The following NRSN1 variants were observed in gnomAD, a reference collection of about 807,000 sequenced individuals.
NRSN1 encodes neurensin 1.
NRSN1 carries 14 observed loss-of-function variants against 17.3 expected under a neutral mutation model. That is an observed-to-expected ratio of 0.81 (90% CI 0.54 to 1.27). The LOEUF (loss-of-function observed/expected upper bound fraction) is 1.27, where lower values mean the gene tolerates loss of function less well. NRSN1 is among the 50% of genes most tolerant of loss of function. The probability of loss-of-function intolerance (pLI) is 0.00; values close to 1 mark genes in which losing one functional copy is unlikely to be tolerated. For missense variants in NRSN1, 209 were observed against 235.9 expected, an observed-to-expected ratio of 0.89 and a Z score of 0.75; for synonymous variants, 79 against 94.2, an observed-to-expected ratio of 0.84 and a Z score of 0.93.
At chr6:24,138,662 G>A (rs766535388) in intron 3 of NRSN1, among the ~76,000 whole-genome samples, 23 of 152,092 alleles carry the variant, frequency 1.5e-4, no homozygotes, top group Non-Finnish European at 3.1e-4. Context: ...AAGTGACTCC[G>A]GTCCCTCTCT....
In NRSN1 at chr6:24,145,156, T is replaced by C. The variant is rs1161838168; in HGVS notation, c.190-392T>C. Among the ~76,000 whole-genome samples the C allele has an allele frequency of 1.4e-5, 2 of 144,790 alleles. No individual in the cohort carries two copies. Among genetic ancestry groups the C allele is most frequent in the Non-Finnish European group, 3.0e-5 (2 of 66,426 alleles). 95.0% of individuals were successfully genotyped at this position (144,790 alleles called of 152,430 possible). On this transcript the variant is annotated intron_variant, in intron 3 of 3. Coordinates refer to ENST00000378491, the MANE Select transcript of NRSN1 (RefSeq NM_080723.5). This position sits in a 1 kb window ranked among gnomAD's most constrained non-coding sequence, Gnocchi z 4.4. ...TTAGACATATAATATATAATATATA[T>C]ATCTTTGGACATATATATTATATAG...
chr6:24,132,003 G>A (rs568756977), intron 2 of NRSN1, among the ~76,000 whole-genome samples: 10 of 152,060 alleles, frequency 6.6e-5, no homozygotes, highest in African/African-American at 2.4e-4. Flanking sequence ...CTCTTTCCCT[G>A]GGTGATTTCT....
At chr6:24,129,942 G>C (rs185297417) in intron 2 of NRSN1, among the ~76,000 whole-genome samples, 1 of 152,174 alleles carries the variant, frequency 6.6e-6, no homozygotes, top group Admixed American at 6.5e-5. Context: ...GATGCAACAG[G>C]CTCCATCAGA....
At chr6:24,128,287 T>G (rs1759980492) in intron 2 of NRSN1, 87 bp downstream of exon 2, 1 of 152,220 alleles carries the variant, frequency 6.6e-6, no homozygotes, top group South Asian at 2.1e-4. Flanking sequence ...GAATATGGGT[T>G]CTTTTCTCAT....
chr6:24,139,100 A>T (rs1760159828), intron 3 of NRSN1, among the ~76,000 whole-genome samples: 1 of 152,138 alleles, frequency 6.6e-6, no homozygotes, highest in African/African-American at 2.4e-5. Context: ...TATCTTTTAA[A>T]CAAAATCTTC....
At chr6:24,139,502 G>A (rs770498777) in intron 3 of NRSN1, among the ~76,000 whole-genome samples, 1 of 152,228 alleles carries the variant, frequency 6.6e-6, no homozygotes, top group African/African-American at 2.4e-5. Context: ...TCACGAATGG[G>A]TGGATGGGAA....
At chr6:24,135,571 T>C (rs530024271) in intron 3 of NRSN1, among the ~76,000 whole-genome samples, 127 of 152,210 alleles carry the variant, frequency 8.3e-4, no homozygotes, top group Middle Eastern at 6.8e-3. Context: ...CTGGAAGAGG[T>C]TGATAAATTT....
In NRSN1 at chr6:24,134,465, T is replaced by A; in HGVS notation, c.138T>A (p.Asp46Glu). 6.2e-7 allele frequency: 1 copy of A among 1,614,132 alleles called. No homozygotes were observed. The highest frequency in any genetic ancestry group is 8.5e-7 in the Non-Finnish European group (1 of 1,180,014). ...DCTASIWEYE[D>E]DFQIQRSPNR... ...CAGCCTCAATTTGGGAGTATGAGGA[T>A]GATTTCCAGATCCAAAGATCACCTA... is the stretch of plus-strand genomic sequence containing the variant. The change falls in exon 3 of 4, where the codon GAT becomes GAA. Residue 46 changes from aspartate (D) to glutamate (E), a missense_variant. Transcript: ENST00000378491.
chr6:24,128,399 A>C (rs890538312), intron 2 of NRSN1, among the ~76,000 whole-genome samples, 199 bp downstream of exon 2: 13 of 152,234 alleles, frequency 8.5e-5, no homozygotes, highest in African/African-American at 3.1e-4. Context: ...CCTTTTTAAA[A>C]ATTATAAAAG....
chr6:24,145,810 AG>A lies in NRSN1; in HGVS notation c.453del (p.Gln151HisfsTer56). Reference protein sequence around the residue: ...KSYSKEEKFLQQKFKERIADI... With the variant: ...KSYSKEEKFLXQKFKERIADI... ...TACTCCAAAGAAGAAAAATTCCTCC[AG>A]CAGAAGTTTAAAGAACGAATCGCAG... is the stretch of plus-strand genomic sequence containing the variant. On this transcript the variant is annotated frameshift_variant, in exon 4 of 4. Transcript: ENST00000378491. LOFTEE classifies it high-confidence loss of function. The surrounding 1 kb of genome is among the most constrained non-coding windows in gnomAD (Gnocchi z 4.4). 1 of 1,614,196 alleles carries A rather than the reference AG, an allele frequency of 6.2e-7. No individual in the cohort carries two copies. The highest frequency in any genetic ancestry group is 8.5e-7 in the Non-Finnish European group (1 of 1,180,046).
At chr6:24,142,702 G>A (rs1006699536) in intron 3 of NRSN1, among the ~76,000 whole-genome samples, 2 of 152,092 alleles carry the variant, frequency 1.3e-5, no homozygotes, top group East Asian at 1.9e-4. Flanking sequence ...GTTCCTCCCG[G>A]TGGATTTCTG....
At chr6:24,137,798 C>T (rs1048497358) in intron 3 of NRSN1, among the ~76,000 whole-genome samples, 2 of 152,006 alleles carry the variant, frequency 1.3e-5, no homozygotes, top group Non-Finnish European at 2.9e-5. Flanking sequence ...TTACTGGGAG[C>T]ACAGAGGGGC....
rs780657255 is a variant in NRSN1, at chr6:24,135,722, G to A, written c.189+1206G>A. Among the ~76,000 whole-genome samples the A allele has an allele frequency of 2.4e-4, 37 of 152,218 alleles. 1 individual carries two copies. In the South Asian group the frequency reaches 4.0e-3, roughly 16 times the overall value. ...TGACAATTTAAATATATCAATCTAC[G>A]GCTCATAAATTGGGAGTTATTGACA... On this transcript the variant is annotated intron_variant, in intron 3 of 3. Coordinates refer to ENST00000378491, the MANE Select transcript of NRSN1 (RefSeq NM_080723.5).
At chr6:24,142,745 C>T (rs1158024731) in intron 3 of NRSN1, among the ~76,000 whole-genome samples, 1 of 152,126 alleles carries the variant, frequency 6.6e-6, no homozygotes, top group East Asian at 1.9e-4. Flanking sequence ...GGCCGCAGAC[C>T]CTGGCAGTGA....
chr6:24,135,627 G>A (rs552677280), intron 3 of NRSN1, among the ~76,000 whole-genome samples: 160 of 152,278 alleles, frequency 1.1e-3, no homozygotes, highest in African/African-American at 3.7e-3. Flanking sequence ...TGGCGTTAGT[G>A]GAGATGGTGA....
chr6:24,142,262 T>C (rs141880801), intron 3 of NRSN1, among the ~76,000 whole-genome samples: 85 of 139,698 alleles, frequency 6.1e-4, no homozygotes, highest in African/African-American at 1.9e-3. Context: ...CAATATGAGA[T>C]ACTGGAAATT....
Position 24,127,129 on chromosome 6 carries a change from G to A in NRSN1, c.-83+789G>A, listed in dbSNP as rs143048976. On this transcript the variant is annotated intron_variant, in intron 1 of 3. Coordinates refer to ENST00000378491, the MANE Select transcript of NRSN1 (RefSeq NM_080723.5). ...AGATACAGATGGGGGTGGAGGGCAGGTGTTGGGGGAGGGAAGAAGAGGAGA... is the reference window on the plus strand; with the variant it reads ...AGATACAGATGGGGGTGGAGGGCAGATGTTGGGGGAGGGAAGAAGAGGAGA... Among the ~76,000 whole-genome samples the A allele has an allele frequency of 3.7e-3, 568 of 152,208 alleles. 3 individuals are homozygous for A. The highest frequency in any genetic ancestry group is 6.8e-3 in the Middle Eastern group (2 of 294).
intron 3 of NRSN1, chr6:24,140,893 C>T (rs747194095): frequency 7.6e-7 from 1 of 1,307,486 alleles, no homozygotes; most frequent in Admixed American, 3.8e-5. Flanking sequence ...TAAATAAGTT[C>T]TCTTTCCTTT....
chr6:24,139,532 G>A (rs1366247513), intron 3 of NRSN1, among the ~76,000 whole-genome samples: 1 of 152,184 alleles, frequency 6.6e-6, no homozygotes, highest in African/African-American at 2.4e-5. Context: ...TAGAGAAAAT[G>A]GGAAGGAAGT....
Sources: allele counts gnomAD v4.1 joint callset (sites outside exome capture counted in the v4.1 genomes callset), GRCh38; gene constraint gnomAD v4.1.1; non-coding constraint Gnocchi (gnomAD v3.1); transcripts MANE v1.5; gene names NCBI Gene and HGNC (gene_info 2026-07-23, HGNC 2026-07-21).